ADH5: variants seen among roughly 807,000 people sequenced by gnomAD.
ADH5 encodes alcohol dehydrogenase class-3.
ADH5 carries 32 observed loss-of-function variants against 40.3 expected under a neutral mutation model. That is an observed-to-expected ratio of 0.79 (90% CI 0.60 to 1.07). The LOEUF (loss-of-function observed/expected upper bound fraction) is 1.07. Ranked by LOEUF, ADH5 falls within the 50% of genes least tolerant of loss-of-function variation. The pLI, the probability that ADH5 is intolerant of heterozygous loss-of-function variation, is 0.00. For synonymous variants in ADH5, 125 were observed against 154.3 expected, an observed-to-expected ratio of 0.81 and a Z score of 1.41; for missense variants, 353 against 460.5, an observed-to-expected ratio of 0.77 and a Z score of 2.14.
chr4:99,088,755 G>A lies in ADH5; in HGVS notation c.-55C>T, dbSNP rs29001343. The A allele has an allele frequency of 8.4e-4, 1,332 of 1,577,964 alleles. 13 individuals are homozygous for A. In the African/African-American group the frequency reaches 0.016, roughly 19 times the overall value. ...TGACATCCGGGGTGGGCCGCGCAGC[G>A]ACGGAGGCATGGGCGTGGCGAGCGC... On this transcript the variant is annotated 5_prime_UTR_variant, in exon 1 of 9. Coordinates refer to ENST00000296412, the MANE Select transcript of ADH5 (RefSeq NM_000671.4).
At position 99,071,949 on chromosome 4, in the gene ADH5, T is replaced by C. The variant is rs1727841310; in HGVS notation, c.*468A>G. 1 of 156,904 alleles carries C rather than the reference T, an allele frequency of 6.4e-6. No homozygotes were observed. Among genetic ancestry groups the C allele is most frequent in the African/African-American group, 2.4e-5 (1 of 41,558 alleles). The allele number at this position is 156,904 out of a possible 1,614,324, so 9.7% of individuals were successfully genotyped here. A position where few individuals can be genotyped will look rare whatever the true frequency, so the allele number is the denominator to read the frequency against. On this transcript the variant is annotated 3_prime_UTR_variant, in exon 9 of 9. Transcript: ENST00000296412. ...CAAGATAATATCACAGAAGCAGACT[T>C]GGGTCCTGATTAACTTTGTCACTGA...
chr4:99,078,159 A>C (rs1727963171), intron 4 of ADH5, among the ~76,000 whole-genome samples: 2 of 152,172 alleles, frequency 1.3e-5, no homozygotes, highest in African/African-American at 4.8e-5. Context: ...GCCTGAGCTC[A>C]AGTGATCCTC....
At position 99,072,414 on chromosome 4, in the gene ADH5, G is replaced by A; in HGVS notation, c.*3C>T. 6.2e-7 allele frequency: 1 copy of A among 1,612,924 alleles called. No homozygotes were observed. The highest frequency in any genetic ancestry group is 8.5e-7 in the Non-Finnish European group (1 of 1,179,342). ...AGGATGGACATTATTTTTCTCTTTT[G>A]AATTAAATCTTTACAACAGTTCGAA... On this transcript the variant is annotated 3_prime_UTR_variant, in exon 9 of 9. Transcript: ENST00000296412.
chr4:99,076,097 T>C (rs969290015), intron 6 of ADH5, 195 bp downstream of exon 6: 3 of 590,116 alleles, frequency 5.1e-6, no homozygotes, highest in Non-Finnish European at 8.9e-6. Flanking sequence ...CAAAGAAACA[T>C]CTTTTCTCAT....
chr4:99,076,564 GAA>G lies in ADH5; in HGVS notation c.565-14_565-13del. The stretch of plus-strand genomic sequence containing the variant: ...GAGCCAGGCTCCAACTAGGAGTAAA[GAA>G]AGTTTATAAAGTACTCATTCTACCA... On this transcript the variant is annotated splice_polypyrimidine_tract_variant and intron_variant, in intron 5 of 8. Transcript: ENST00000296412. 6.2e-7 allele frequency: 1 copy of G among 1,610,798 alleles called. No individual in the cohort carries two copies. Among genetic ancestry groups the G allele is most frequent in the Non-Finnish European group, 8.5e-7 (1 of 1,178,622 alleles).
chr4:99,071,212 T>C lies in ADH5; in HGVS notation c.*1205A>G, dbSNP rs1403642086. On this transcript the variant is annotated 3_prime_UTR_variant, in exon 9 of 9. Transcript: ENST00000296412. ...ATTAGAATGAAGGATTTAACGAGAATTGAGGAAAATGCAAACTAAAGTCAT... is the reference window on the plus strand; with the variant it reads ...ATTAGAATGAAGGATTTAACGAGAACTGAGGAAAATGCAAACTAAAGTCAT... The C allele has an allele frequency of 1.3e-5, 2 of 152,218 alleles. No individual in the cohort carries two copies. Among genetic ancestry groups the C allele is most frequent in the African/African-American group, 2.4e-5 (1 of 41,460 alleles). 9.4% of individuals were successfully genotyped at this position (152,218 alleles called of 1,614,324 possible). A position where few individuals can be genotyped will look rare whatever the true frequency, so the allele number is the denominator to read the frequency against.
intron 1 of ADH5, 145 bp downstream of exon 1, chr4:99,088,544 C>T: frequency 3.9e-6 from 3 of 770,850 alleles, no homozygotes; most frequent in Non-Finnish European, 5.8e-6. Context: ...CCCCTCTGAG[C>T]CGCTCGCTGG....
intron 3 of ADH5, chr4:99,081,686 A>G: frequency 1.8e-6 from 1 of 556,526 alleles, no homozygotes; most frequent in Non-Finnish European, 3.2e-6. Context: ...ATGAAGTTAT[A>G]TGCTTCAAAA....
chr4:99,088,769 C>A lies in ADH5; in HGVS notation c.-69G>T, dbSNP rs1329522033. On this transcript the variant is annotated 5_prime_UTR_variant, in exon 1 of 9. Transcript: ENST00000296412. ...GGCCGCGCAGCGACGGAGGCATGGG[C>A]GTGGCGAGCGCCTAGCGAGGGGGGC... is the stretch of plus-strand genomic sequence containing the variant. 12 of 880,828 alleles carry A rather than the reference C, an allele frequency of 1.4e-5. No homozygotes were observed. The highest frequency in any genetic ancestry group is 1.7e-5 in the Non-Finnish European group (11 of 652,106). The allele number at this position is 880,828 out of a possible 1,614,324, so 54.6% of individuals were successfully genotyped here.
intron 4 of ADH5, among the ~76,000 whole-genome samples, 170 bp from the exon 5 acceptor site, chr4:99,077,093 G>A (rs1047325059): frequency 3.3e-5 from 5 of 152,116 alleles, no homozygotes; most frequent in African/African-American, 1.2e-4. Flanking sequence ...CCTTATAAAG[G>A]AAATTTATAA....
rs1035426836 is a variant in ADH5, at chr4:99,071,557, G to T, written c.*860C>A. Reference sequence around the variant, plus strand: ...GTGAAAAAAGCTGTAGAATGAGCAAGTATGAGGCTTAAAAATATATAAAAC... The same window carrying T: ...GTGAAAAAAGCTGTAGAATGAGCAATTATGAGGCTTAAAAATATATAAAAC... On this transcript the variant is annotated 3_prime_UTR_variant, in exon 9 of 9. Transcript: ENST00000296412. 1.3e-5 allele frequency: 2 copies of T among 152,164 alleles called. No individual in the cohort carries two copies. The highest frequency in any genetic ancestry group is 1.3e-4 in the Admixed American group (2 of 15,270). The allele number at this position is 152,164 out of a possible 1,614,324, so 9.4% of individuals were successfully genotyped here.
chr4:99,078,403 A>T (rs1285625021), intron 4 of ADH5, among the ~76,000 whole-genome samples: 1 of 152,206 alleles, frequency 6.6e-6, no homozygotes, highest in Non-Finnish European at 1.5e-5. Context: ...ACAAAGCTCC[A>T]TCAGAAAGAA....
intron 2 of ADH5, among the ~76,000 whole-genome samples, chr4:99,083,237 T>A (rs1178848599): frequency 6.6e-6 from 1 of 152,134 alleles, no homozygotes; most frequent in African/African-American, 2.4e-5. Flanking sequence ...CAGCTTAATT[T>A]CTGAATTTGA....
chr4:99,075,189 T>C, intron 6 of ADH5, 140 bp from the exon 7 acceptor site: 1 of 646,876 alleles, frequency 1.5e-6, no homozygotes. Context: ...GTGAGCTCAA[T>C]GTTATTGAAC....
chr4:99,086,928 A>T (rs1449667918), intron 1 of ADH5, among the ~76,000 whole-genome samples: 1 of 115,402 alleles, frequency 8.7e-6, no homozygotes, highest in African/African-American at 3.9e-5. Flanking sequence ...TGACAGAGCA[A>T]GACTGCGTCT....
intron 4 of ADH5, 144 bp from the exon 5 acceptor site, chr4:99,077,067 G>A (rs372628742): frequency 2.5e-5 from 16 of 642,130 alleles, no homozygotes; most frequent in Non-Finnish European, 4.3e-5. Context: ...TAGTAATTTA[G>A]CACCTTGCAG....
rs201030642 is a variant in ADH5, at chr4:99,076,734, G to A, written c.534C>T (p.Thr178=). ...KVCLLGCGIS[T]GYGAAVNTAK... is the part of the protein sequence containing the mutation. ...CAGTGTTCACAGCAGCACCATAACC[G>A]GTTGAAATGCCACAACCTAGAAGGC... The change falls in exon 5 of 9, where the codon ACC becomes ACT. Residue 178 remains threonine (T), a synonymous_variant. Coordinates refer to ENST00000296412, the MANE Select transcript of ADH5 (RefSeq NM_000671.4). 1.4e-3 allele frequency: 2,318 copies of A among 1,613,938 alleles called. 5 individuals carry two copies. The highest frequency in any genetic ancestry group is 4.1e-3 in the Admixed American group (245 of 60,008).
At chr4:99,083,189 A>G (rs777256223) in intron 2 of ADH5, among the ~76,000 whole-genome samples, 2 of 152,224 alleles carry the variant, frequency 1.3e-5, no homozygotes, top group African/African-American at 2.4e-5. Context: ...GGCACTTAAT[A>G]CATCCAGGAC....
chr4:99,086,238 CCT>C (rs1728131610), intron 1 of ADH5, among the ~76,000 whole-genome samples: 1 of 151,158 alleles, frequency 6.6e-6, no homozygotes, highest in African/African-American at 2.4e-5. Flanking sequence ...TTCACTTTTT[CCT>C]TTTTAATGAG....
Sources: gnomAD v4.1 joint callset for allele counts (sites outside exome capture counted in the v4.1 genomes callset) on GRCh38, gnomAD v4.1.1 for gene constraint, MANE v1.5 for transcripts, NCBI Gene and HGNC (gene_info 2026-07-23, HGNC 2026-07-21) for gene names.